FRAS1: variants seen among roughly 807,000 people sequenced by gnomAD.
The protein encoded by FRAS1 is extracellular matrix organizing protein FRAS1.
A neutral mutation model predicts 435.2 loss-of-function variants in FRAS1; 290 were observed. That is an observed-to-expected ratio of 0.67 (90% CI 0.61 to 0.73). The LOEUF (loss-of-function observed/expected upper bound fraction) is 0.73, where lower values mean the gene tolerates loss of function less well. Among genes scored for constraint, FRAS1 ranks in the 30% least tolerant of loss-of-function variants. The pLI is 0.00. For synonymous variants in FRAS1, 1,800 were observed against 1,851.0 expected, an observed-to-expected ratio of 0.97 and a Z score of 0.71; for missense variants, 4,860 against 5,001.5, an observed-to-expected ratio of 0.97 and a Z score of 0.85.
Position 78,387,613 on chromosome 4 carries a change from C to G in FRAS1, c.3887C>G (p.Ser1296Ter). ...CTTCTCCACTATGCTCATGATGGTT[C>G]AGACAGCACATCCGATGTTGCAGTC... is the stretch of plus-strand genomic sequence containing the variant. ...RGLLHYAHDG[S>*]DSTSDVAVLQ... The change falls in exon 29 of 74, where the codon TCA becomes TGA. Residue 1296 changes from serine to a stop codon, truncating the protein, a stop_gained. Transcript: ENST00000512123. LOFTEE classifies it high-confidence loss of function. 1 of 1,612,256 alleles carries G rather than the reference C, an allele frequency of 6.2e-7. No individual in the cohort carries two copies. The highest frequency in any genetic ancestry group is 8.5e-7 in the Non-Finnish European group (1 of 1,178,684).
chr4:78,430,833 A>G (rs748047119), intron 37 of FRAS1, among the ~76,000 whole-genome samples: 31 of 152,170 alleles, frequency 2.0e-4, no homozygotes, highest in Non-Finnish European at 3.1e-4. Flanking sequence ...AACTACATCT[A>G]TCTTCATCCA....
rs1164199908 is a variant in FRAS1 at position 78,110,373 on chromosome 4, A to G, written c.108+44357A>G. Among the ~76,000 whole-genome samples, 2 of 127,664 alleles carry G rather than the reference A, an allele frequency of 1.6e-5. 1 individual carries two copies. The highest frequency in any genetic ancestry group is 6.4e-5 in the African/African-American group (2 of 31,284). The allele number at this position is 127,664 out of a possible 152,430, so 83.8% of individuals were successfully genotyped here. On this transcript the variant is annotated intron_variant, in intron 2 of 73. Coordinates refer to ENST00000512123, the MANE Select transcript of FRAS1 (RefSeq NM_025074.7). Reference sequence around the variant, plus strand: ...CTATAATACAAGGCTACAGTAACCAAAACAGCATGGTACTGGTACCAAAAC... The same window carrying G: ...CTATAATACAAGGCTACAGTAACCAGAACAGCATGGTACTGGTACCAAAAC...
rs751750821 is a variant in FRAS1, at chr4:78,067,708, A to ATTATTATTATTATTATTG, written c.108+1697_108+1698insATTATTATTATTGTTATT. Reference sequence around the variant, plus strand: ...TATTATTATTATTATTATTATTATTATTATTTGTAAGATAGGGTCTCGCTC... The same window carrying ATTATTATTATTATTATTG: ...TATTATTATTATTATTATTATTATTATTATTATTATTATTATTGTTATTTGTAAGATAGGGTCTCGCTC... On this transcript the variant is annotated intron_variant, in intron 2 of 73. Coordinates refer to ENST00000512123, the MANE Select transcript of FRAS1 (RefSeq NM_025074.7). Among the ~76,000 whole-genome samples, 770 of 135,658 alleles carry ATTATTATTATTATTATTG rather than the reference A, an allele frequency of 5.7e-3. 9 individuals are homozygous for ATTATTATTATTATTATTG. Among genetic ancestry groups the ATTATTATTATTATTATTG allele is most frequent in the East Asian group, 0.011 (55 of 4,866 alleles). 89.0% of individuals were successfully genotyped at this position (135,658 alleles called of 152,430 possible). A position where few individuals can be genotyped will look rare whatever the true frequency, so the allele number is the denominator to read the frequency against.
At chr4:78,230,834 T>G (rs1220937771) in intron 2 of FRAS1, among the ~76,000 whole-genome samples, 1 of 152,256 alleles carries the variant, frequency 6.6e-6, no homozygotes, top group African/African-American at 2.4e-5. Flanking sequence ...ATTTGCTAAG[T>G]GCTTTTTATT....
At chr4:78,402,380 A>T (rs563548699) in intron 30 of FRAS1, among the ~76,000 whole-genome samples, 16 of 152,274 alleles carry the variant, frequency 1.1e-4, no homozygotes, top group South Asian at 4.1e-4. Flanking sequence ...GACATTGAAA[A>T]GCCACCTAAT....
At chr4:78,174,516 A>G (rs1404931764) in intron 2 of FRAS1, among the ~76,000 whole-genome samples, 1 of 152,226 alleles carries the variant, frequency 6.6e-6, no homozygotes, top group East Asian at 1.9e-4. Flanking sequence ...AGGCATAGTT[A>G]TCTACCTGGG....
At chr4:78,404,172 A>C (rs1733011555) in intron 30 of FRAS1, among the ~76,000 whole-genome samples, 1 of 152,184 alleles carries the variant, frequency 6.6e-6, no homozygotes, top group Non-Finnish European at 1.5e-5. Flanking sequence ...ATCATAATGT[A>C]AGATACGTTC....
intron 2 of FRAS1, among the ~76,000 whole-genome samples, chr4:78,101,431 G>T (rs1036604791): frequency 7.9e-5 from 12 of 152,018 alleles, no homozygotes; most frequent in Non-Finnish European, 1.5e-4. Flanking sequence ...GCAACTACTT[G>T]GTATTCCTGT....
At chr4:78,091,782 T>A (rs12512411) in intron 2 of FRAS1, among the ~76,000 whole-genome samples, 1 of 151,598 alleles carries the variant, frequency 6.6e-6, no homozygotes, top group Non-Finnish European at 1.5e-5. Flanking sequence ...CTCAGCCTCC[T>A]GAGTAGCTCA....
chr4:78,243,663 T>C (rs1309780667), intron 3 of FRAS1, among the ~76,000 whole-genome samples: 2 of 151,870 alleles, frequency 1.3e-5, no homozygotes, highest in East Asian at 3.9e-4. Context: ...CAAATATATA[T>C]ATATATATAT....
Position 78,159,297 on chromosome 4 carries a change from G to A in FRAS1, c.109-78213G>A, listed in dbSNP as rs186211298. Among the ~76,000 whole-genome samples, 31 of 152,256 alleles carry A rather than the reference G, an allele frequency of 2.0e-4. 2 individuals are homozygous for A. Among genetic ancestry groups the A allele is most frequent in the African/African-American group, 7.0e-4 (29 of 41,556 alleles). ...TGGGCATGGAAAATATAGAGGAAGT[G>A]ACCAAGGAAAGCAAATAGAAAAAGT... On this transcript the variant is annotated intron_variant, in intron 2 of 73. Coordinates refer to ENST00000512123, the MANE Select transcript of FRAS1 (RefSeq NM_025074.7).
intron 63 of FRAS1, among the ~76,000 whole-genome samples, chr4:78,510,591 C>G (rs1298339207): frequency 1.3e-5 from 2 of 152,178 alleles, no homozygotes; most frequent in African/African-American, 4.8e-5. Context: ...TTATATACTT[C>G]CCTATGTAAA....
chr4:78,369,679 CT>C (rs1731421343), intron 22 of FRAS1, among the ~76,000 whole-genome samples, 158 bp from the exon 23 acceptor site: 1 of 152,128 alleles, frequency 6.6e-6, no homozygotes, highest in African/African-American at 2.4e-5. Flanking sequence ...CTAATATTTT[CT>C]GTTTTTGTTG....
chr4:78,378,008 C>T (rs985226013), intron 26 of FRAS1, among the ~76,000 whole-genome samples: 3 of 152,054 alleles, frequency 2.0e-5, no homozygotes, highest in Non-Finnish European at 4.4e-5. Flanking sequence ...CAACTATCAC[C>T]ACTACCTATT....
chr4:78,405,306 A>G (rs1356004780), intron 30 of FRAS1, among the ~76,000 whole-genome samples: 3 of 152,196 alleles, frequency 2.0e-5, no homozygotes, highest in Admixed American at 2.0e-4. Flanking sequence ...AATATTTTGC[A>G]ACTGTACTCA....
At chr4:78,142,035 A>G (rs1720211071) in intron 2 of FRAS1, among the ~76,000 whole-genome samples, 1 of 152,150 alleles carries the variant, frequency 6.6e-6, no homozygotes, top group African/African-American at 2.4e-5. Flanking sequence ...GGTGCAGTGT[A>G]TACTGTTGGG....
chr4:78,451,676 C>T, intron 45 of FRAS1, 96 bp from the exon 46 acceptor site: 1 of 952,322 alleles, frequency 1.1e-6, no homozygotes, highest in South Asian at 2.0e-5. Context: ...TGAACTGATT[C>T]ATTGGTGTGA....
At chr4:78,212,452 A>T (rs568797744) in intron 2 of FRAS1, among the ~76,000 whole-genome samples, 1 of 152,260 alleles carries the variant, frequency 6.6e-6, no homozygotes, top group East Asian at 1.9e-4. Context: ...GTCTGAAGAG[A>T]TCATCTGCAC....
chr4:78,309,601 C>T (rs1728935787), intron 15 of FRAS1, among the ~76,000 whole-genome samples: 1 of 152,186 alleles, frequency 6.6e-6, no homozygotes, highest in Admixed American at 6.5e-5. Context: ...TGGGCCTTAA[C>T]TGCCTGTGAA....
Sources: gnomAD v4.1 joint callset for allele counts (sites outside exome capture counted in the v4.1 genomes callset) on GRCh38, gnomAD v4.1.1 for gene constraint, MANE v1.5 for transcripts, NCBI Gene and HGNC (gene_info 2026-07-23, HGNC 2026-07-21) for gene names.